MAST4: variants seen among roughly 807,000 people sequenced by gnomAD.
The protein encoded by MAST4 is microtubule associated serine/threonine kinase family member 4.
A neutral mutation model predicts 162.7 loss-of-function variants in MAST4; 89 were observed. The ratio of observed to expected loss-of-function variants is 0.55; its 90% CI spans 0.46 to 0.65. The LOEUF (loss-of-function observed/expected upper bound fraction) is 0.65, where lower values mean the gene tolerates loss of function less well. Among genes scored for constraint, MAST4 ranks in the 30% least tolerant of loss-of-function variants. The probability of loss-of-function intolerance (pLI) is 0.00; values close to 1 mark genes in which losing one functional copy is unlikely to be tolerated. For missense variants in MAST4, 3,153 were observed against 3,374.0 expected (o/e 0.93, Z 1.62); for synonymous variants, 1,479 against 1,361.1 (o/e 1.09, Z -1.91).
chr5:66,998,258 G>GA (rs1409971953), intron 4 of MAST4, among the ~76,000 whole-genome samples: 2 of 152,150 alleles, frequency 1.3e-5, no homozygotes, highest in Non-Finnish European at 2.9e-5. Context: ...ATGCACCTTA[G>GA]ACCCAAGTTT....
chr5:66,880,423 T>C (rs138991866), intron 3 of MAST4, among the ~76,000 whole-genome samples: 167 of 152,312 alleles, frequency 1.1e-3, no homozygotes, highest in Non-Finnish European at 1.5e-3. Flanking sequence ...ACTGTGGTAA[T>C]ATATTAACCA....
chr5:66,991,172 C>A, intron 4 of MAST4, among the ~76,000 whole-genome samples: 1 of 152,158 alleles, frequency 6.6e-6, no homozygotes, highest in East Asian at 1.9e-4. Flanking sequence ...CTGGTCTATT[C>A]ATTTGTTCAC....
At chr5:67,069,337 G>A (rs1249526459) in intron 5 of MAST4, among the ~76,000 whole-genome samples, 8 of 116,040 alleles carry the variant, frequency 6.9e-5, no homozygotes, top group Non-Finnish European at 1.4e-4. Flanking sequence ...TCCTTCTAAG[G>A]CTGTACCTTC....
chr5:66,956,075 A>T (rs1401007491), intron 4 of MAST4, among the ~76,000 whole-genome samples: 1 of 151,472 alleles, frequency 6.6e-6, no homozygotes, highest in Non-Finnish European at 1.5e-5. Flanking sequence ...CTCCCACCTC[A>T]GCCTCCCAAC....
At chr5:66,985,178 C>T (rs569783480) in intron 4 of MAST4, among the ~76,000 whole-genome samples, 159 of 152,156 alleles carry the variant, frequency 1.0e-3, no homozygotes, top group Non-Finnish European at 1.5e-3. Flanking sequence ...TTCAAAGAAG[C>T]GGAATGAAGG....
At chr5:67,053,052 T>C (rs1365471992) in intron 4 of MAST4, among the ~76,000 whole-genome samples, 5 of 152,216 alleles carry the variant, frequency 3.3e-5, no homozygotes, top group African/African-American at 1.2e-4. Flanking sequence ...TAATTAAATA[T>C]CAAAAGTCTA....
chr5:67,061,003 A>G (rs557683712), intron 5 of MAST4, among the ~76,000 whole-genome samples: 2 of 152,342 alleles, frequency 1.3e-5, no homozygotes, highest in African/African-American at 2.4e-5. Context: ...GTTTGCTTTA[A>G]AAGTGTGAGT....
At chr5:66,897,749 C>G (rs575350127) in intron 3 of MAST4, among the ~76,000 whole-genome samples, 138 of 152,344 alleles carry the variant, frequency 9.1e-4, no homozygotes, top group Non-Finnish European at 1.7e-3. Context: ...CGTGGAGCAG[C>G]AGTGCTGGGT....
intron 5 of MAST4, among the ~76,000 whole-genome samples, chr5:67,078,937 T>TATA (rs1762257804): frequency 1.0e-5 from 1 of 95,394 alleles, no homozygotes; most frequent in African/African-American, 5.1e-5. Flanking sequence ...TATATATATA[T>TATA]ATATATATAT....
intron 1 of MAST4, among the ~76,000 whole-genome samples, chr5:66,643,542 TG>T (rs1745621869): frequency 6.6e-6 from 1 of 152,158 alleles, no homozygotes; most frequent in South Asian, 2.1e-4. Flanking sequence ...AGTAATTTAT[TG>T]TTGTGCAGAG....
Position 67,104,416 on chromosome 5 carries a change from T to A in MAST4, c.1197T>A (p.Ser399=), listed in dbSNP as rs758334979. The A allele has an allele frequency of 1.7e-5, 28 of 1,613,910 alleles. No homozygotes were observed. The highest frequency in any genetic ancestry group is 2.2e-5 in the Non-Finnish European group (26 of 1,179,838). ...ERLKEIITSY[S]PDNVLPLADG... is the part of the protein sequence containing the mutation. ...TAAAGGAAATTATCACCAGCTACTC[T>A]CCTGACAACGTTCTACCCTTAGCAG... The change falls in exon 10 of 29, where the codon TCT becomes TCA. Residue 399 remains serine, a synonymous_variant. Transcript: ENST00000403625.
chr5:66,616,005 A>G (rs770254780), intron 1 of MAST4, among the ~76,000 whole-genome samples: 12 of 152,208 alleles, frequency 7.9e-5, no homozygotes, highest in Non-Finnish European at 1.5e-4. Context: ...CCAGTCTGCC[A>G]GCTACATGAG....
intron 5 of MAST4, among the ~76,000 whole-genome samples, chr5:67,066,755 T>C (rs1760289375): frequency 6.6e-6 from 1 of 152,204 alleles, no homozygotes; most frequent in Admixed American, 6.5e-5. Flanking sequence ...CTTTCAAGTG[T>C]TGGCCTTTTA....
At chr5:66,793,320 G>A (rs970884674) in intron 3 of MAST4, among the ~76,000 whole-genome samples, 9 of 152,198 alleles carry the variant, frequency 5.9e-5, no homozygotes, top group African/African-American at 9.7e-5. Flanking sequence ...GACACCAGCC[G>A]GGAGTGCTGA....
intron 4 of MAST4, among the ~76,000 whole-genome samples, chr5:66,907,248 G>T (rs983149844): frequency 1.4e-5 from 2 of 141,600 alleles, no homozygotes; most frequent in African/African-American, 5.4e-5. Flanking sequence ...AGAATCCCAG[G>T]TCACCACACA....
intron 1 of MAST4, among the ~76,000 whole-genome samples, chr5:66,694,843 T>C (rs1486205018): frequency 6.6e-6 from 1 of 152,202 alleles, no homozygotes; most frequent in African/African-American, 2.4e-5. Context: ...TATTGAGAAA[T>C]GTCCATGTCC....
chr5:66,715,406 T>C (rs907332023), intron 1 of MAST4, among the ~76,000 whole-genome samples: 3 of 151,362 alleles, frequency 2.0e-5, no homozygotes, highest in Non-Finnish European at 3.0e-5. Flanking sequence ...TCTCAGGAAT[T>C]TAAAGAATTA....
At chr5:67,011,236 C>T (rs551413770) in intron 4 of MAST4, among the ~76,000 whole-genome samples, 259 of 152,258 alleles carry the variant, frequency 1.7e-3, no homozygotes, top group Non-Finnish European at 3.1e-3. Flanking sequence ...CCAGCCCCTC[C>T]CCTGCAGCCT....
chr5:66,767,628 A>T (rs1418388174), intron 2 of MAST4, among the ~76,000 whole-genome samples: 1 of 152,046 alleles, frequency 6.6e-6, no homozygotes, highest in Non-Finnish European at 1.5e-5. Context: ...ACACATATAT[A>T]TAAAGGGGAG....
Sources: allele counts gnomAD v4.1 joint callset (sites outside exome capture counted in the v4.1 genomes callset), GRCh38; gene constraint gnomAD v4.1.1; transcripts MANE v1.5; gene names NCBI Gene and HGNC (gene_info 2026-07-23, HGNC 2026-07-21).